GRXCR1: variants seen among roughly 807,000 people sequenced by gnomAD.
GRXCR1 encodes glutaredoxin and cysteine rich domain containing 1, also known as glutaredoxin domain-containing cysteine-rich protein 1.
A neutral mutation model predicts 27.3 loss-of-function variants in GRXCR1; 27 were observed. The ratio of observed to expected loss-of-function variants is 0.99; its 90% CI spans 0.73 to 1.37. GRXCR1 has a LOEUF of 1.37. GRXCR1 is among the 40% of genes most tolerant of loss of function. The pLI, the probability that GRXCR1 is intolerant of heterozygous loss-of-function variation, is 0.00. For synonymous variants in GRXCR1, 122 were observed against 131.1 expected (o/e 0.93, Z 0.47); for missense variants, 379 against 354.4 (o/e 1.07, Z -0.56).
Position 43,019,791 on chromosome 4 carries a change from C to T in GRXCR1, c.628-563C>T, listed in dbSNP as rs567001129. On this transcript the variant is annotated intron_variant, in intron 2 of 3. Coordinates refer to ENST00000399770, the MANE Select transcript of GRXCR1 (RefSeq NM_001080476.3). ...GCCTTGGAATTGTTATTTAATCTCA[C>T]TGAGGCTCAATATCTGCAAATAATA... 1.2e-4 allele frequency among the ~76,000 whole-genome samples: 19 copies of T among 152,286 alleles called. No individual in the cohort carries two copies. In the South Asian group the frequency reaches 3.7e-3, roughly 30 times the overall value.
At chr4:43,020,312 T>TAACA in intron 2 of GRXCR1, 42 bp from the exon 3 acceptor site, 2 of 1,278,684 alleles carry the variant, frequency 1.6e-6, no homozygotes, top group Non-Finnish European at 2.3e-6. Flanking sequence ...TCTCAAATAC[T>TAACA]AACAAAAATG....
chr4:42,947,772 A>C (rs1747782579), intron 1 of GRXCR1, among the ~76,000 whole-genome samples: 1 of 152,224 alleles, frequency 6.6e-6, no homozygotes. Context: ...TATAGCAATC[A>C]ATCTTGTTTT....
In GRXCR1 at chr4:42,949,679, A is replaced by G. The variant is rs1529934; in HGVS notation, c.385-13213A>G. On this transcript the variant is annotated intron_variant, in intron 1 of 3. Coordinates refer to ENST00000399770, the MANE Select transcript of GRXCR1 (RefSeq NM_001080476.3). ...AAAATATTAGCTTTCTGCACCAACCAAGCTTTCATAAATGGCCTCTAGCTC... is the reference window on the plus strand; with the variant it reads ...AAAATATTAGCTTTCTGCACCAACCGAGCTTTCATAAATGGCCTCTAGCTC... Among the ~76,000 whole-genome samples the G allele has an allele frequency of 5.8e-4, 89 of 152,268 alleles. No homozygotes were observed. The South Asian group carries it at 0.017, about 28-fold the overall frequency.
At chr4:42,932,731 G>A (rs981592769) in intron 1 of GRXCR1, among the ~76,000 whole-genome samples, 2 of 149,174 alleles carry the variant, frequency 1.3e-5, no homozygotes, top group African/African-American at 2.5e-5. Flanking sequence ...CTGTCCCAGA[G>A]AGTTTACAGG....
At chr4:42,910,980 T>TA (rs1472392002) in intron 1 of GRXCR1, among the ~76,000 whole-genome samples, 2 of 152,190 alleles carry the variant, frequency 1.3e-5, no homozygotes, top group Non-Finnish European at 2.9e-5. Flanking sequence ...ATAGCTCTTG[T>TA]AACACCCATA....
At chr4:42,944,008 A>G (rs1747685013) in intron 1 of GRXCR1, among the ~76,000 whole-genome samples, 1 of 152,118 alleles carries the variant, frequency 6.6e-6, no homozygotes, top group Non-Finnish European at 1.5e-5. Flanking sequence ...ACAGCAAATA[A>G]GATTTGTATC....
chr4:42,900,683 T>A (rs981321530), intron 1 of GRXCR1, among the ~76,000 whole-genome samples: 2 of 151,992 alleles, frequency 1.3e-5, no homozygotes, highest in Non-Finnish European at 2.9e-5. Flanking sequence ...TTATTACAGG[T>A]CAGTGGAAAG....
intron 2 of GRXCR1, among the ~76,000 whole-genome samples, chr4:42,987,201 CATATATATATTATATATATATTATATATT>C (rs1711756691): frequency 1.9e-5 from 1 of 51,444 alleles, no homozygotes; most frequent in African/African-American, 6.6e-5. Flanking sequence ...TCATAGTTTT[CATATATATATTATATATATATTATATATT>C]ATATATATAT....
rs144172559 is a variant in GRXCR1, at chr4:42,940,902, A to G, written c.385-21990A>G. Among the ~76,000 whole-genome samples, 200 of 152,174 alleles carry G rather than the reference A, an allele frequency of 1.3e-3. 1 individual carries two copies. The highest frequency in any genetic ancestry group is 4.6e-3 in the African/African-American group (190 of 41,548). ...ACATTAAATAATGTTGCCATATAAAATATTTTCAAATATTACTTTTATTCT... is the reference window on the plus strand; with the variant it reads ...ACATTAAATAATGTTGCCATATAAAGTATTTTCAAATATTACTTTTATTCT... On this transcript the variant is annotated intron_variant, in intron 1 of 3. Coordinates refer to ENST00000399770, the MANE Select transcript of GRXCR1 (RefSeq NM_001080476.3).
intron 1 of GRXCR1, among the ~76,000 whole-genome samples, chr4:42,954,942 T>C (rs544485417): frequency 1.3e-5 from 2 of 152,296 alleles, no homozygotes; most frequent in African/African-American, 4.8e-5. Flanking sequence ...ATTTATTTAC[T>C]CAAATTTAGT....
chr4:42,959,035 C>T (rs1365740988), intron 1 of GRXCR1, among the ~76,000 whole-genome samples: 1 of 151,912 alleles, frequency 6.6e-6, no homozygotes, highest in African/African-American at 2.4e-5. Flanking sequence ...AAAAACAGAA[C>T]TATCATATAA....
At chr4:42,977,182 G>A (rs1577928493) in intron 2 of GRXCR1, among the ~76,000 whole-genome samples, 1 of 151,908 alleles carries the variant, frequency 6.6e-6, no homozygotes, top group African/African-American at 2.4e-5. Flanking sequence ...ATTCCATTGT[G>A]TATATATATT....
At chr4:43,022,104 C>A (rs1713110070) in intron 3 of GRXCR1, among the ~76,000 whole-genome samples, 2 of 152,178 alleles carry the variant, frequency 1.3e-5, no homozygotes, top group South Asian at 4.1e-4. Flanking sequence ...CATTCACTTA[C>A]ATTATTATAT....
chr4:43,001,265 T>G (rs1281745453), intron 2 of GRXCR1, among the ~76,000 whole-genome samples: 1 of 152,130 alleles, frequency 6.6e-6, no homozygotes, highest in Non-Finnish European at 1.5e-5. Flanking sequence ...ACTTTGCTCT[T>G]TTGCTTGTTT....
intron 1 of GRXCR1, among the ~76,000 whole-genome samples, chr4:42,938,359 C>G (rs1394036748): frequency 6.6e-6 from 1 of 151,982 alleles, no homozygotes; most frequent in African/African-American, 2.4e-5. Flanking sequence ...GCCTCCAGAT[C>G]TTTGCTATTG....
At chr4:42,983,625 G>A (rs1046250365) in intron 2 of GRXCR1, among the ~76,000 whole-genome samples, 4 of 151,988 alleles carry the variant, frequency 2.6e-5, no homozygotes, top group Admixed American at 1.3e-4. Flanking sequence ...GTATGGCATT[G>A]AATCTGTAAA....
intron 2 of GRXCR1, among the ~76,000 whole-genome samples, chr4:42,987,228 A>T (rs1711775903): frequency 2.2e-5 from 2 of 91,908 alleles, no homozygotes; most frequent in African/African-American, 8.7e-5. Context: ...TATATTATAT[A>T]TTATATATAT....
At chr4:42,922,870 C>T (rs1747051258) in intron 1 of GRXCR1, among the ~76,000 whole-genome samples, 1 of 152,122 alleles carries the variant, frequency 6.6e-6, no homozygotes, top group African/African-American at 2.4e-5. Context: ...GTGGTACTCA[C>T]TTCACCTACG....
chr4:42,963,721 A>G (rs1226913698), intron 2 of GRXCR1, among the ~76,000 whole-genome samples: 4 of 151,940 alleles, frequency 2.6e-5, no homozygotes, highest in Admixed American at 2.6e-4. Flanking sequence ...CTCTTTGAAT[A>G]ATATTGTTAG....
Sources: gnomAD v4.1 joint callset for allele counts (sites outside exome capture counted in the v4.1 genomes callset) on GRCh38, gnomAD v4.1.1 for gene constraint, MANE v1.5 for transcripts, NCBI Gene and HGNC (gene_info 2026-07-23, HGNC 2026-07-21) for gene names.